RPRD2: variants seen among roughly 807,000 people sequenced by gnomAD.
RPRD2 encodes regulation of nuclear pre-mRNA domain containing 2.
In RPRD2, 12 loss-of-function variants were observed where a neutral mutation model predicts 104.4. The ratio of observed to expected loss-of-function variants is 0.11; its 90% CI spans 0.07 to 0.19. The LOEUF (loss-of-function observed/expected upper bound fraction) is 0.19. Among genes scored for constraint, RPRD2 ranks in the 10% least tolerant of loss-of-function variants. The pLI, the probability that RPRD2 is intolerant of heterozygous loss-of-function variation, is 1.00. For synonymous variants in RPRD2, 714 were observed against 684.9 expected (o/e 1.04, Z -0.66); for missense variants, 1,543 against 1,790.1 (o/e 0.86, Z 2.49).
chr1:150,420,517 A>G (rs587639506), intron 2 of RPRD2, among the ~76,000 whole-genome samples: 3 of 152,280 alleles, frequency 2.0e-5, no homozygotes, highest in East Asian at 3.9e-4. Context: ...GGTTCCATTT[A>G]TTTAGAAATG....
intron 2 of RPRD2, among the ~76,000 whole-genome samples, chr1:150,421,095 C>G (rs1664724415): frequency 1.3e-5 from 2 of 152,160 alleles, no homozygotes; most frequent in South Asian, 4.1e-4. Context: ...CAGATTTGGT[C>G]TGAGGTTCAT....
At chr1:150,413,543 C>T (rs879947148) in intron 1 of RPRD2, among the ~76,000 whole-genome samples, 24 of 151,460 alleles carry the variant, frequency 1.6e-4, no homozygotes, top group Non-Finnish European at 2.4e-4. Context: ...GCAGAGGTTG[C>T]GGTAAGCTGA....
At chr1:150,374,231 G>T (rs1305306106) in intron 1 of RPRD2, among the ~76,000 whole-genome samples, 1 of 152,124 alleles carries the variant, frequency 6.6e-6, no homozygotes, top group Non-Finnish European at 1.5e-5. Flanking sequence ...AAATCCAAAA[G>T]GACTGGTTTT....
intron 3 of RPRD2, chr1:150,441,258 A>G (rs1666386862): frequency 2.5e-6 from 1 of 399,660 alleles, no homozygotes; most frequent in Non-Finnish European, 4.4e-6. Flanking sequence ...AAAGTCAAGC[A>G]TGTTAAGTGG....
chr1:150,364,996 C>T, intron 1 of RPRD2, 77 bp downstream of exon 1: 1 of 1,446,200 alleles, frequency 6.9e-7, no homozygotes, highest in Non-Finnish European at 9.5e-7. Context: ...TTGGGGTTTT[C>T]CCACGGAGCC....
intron 1 of RPRD2, among the ~76,000 whole-genome samples, chr1:150,395,189 T>G (rs1261320269): frequency 6.6e-6 from 1 of 152,190 alleles, no homozygotes; most frequent in African/African-American, 2.4e-5. Context: ...CAAAGTCCAC[T>G]GTGTCTTCCT....
chr1:150,383,910 A>T (rs1009081117), intron 1 of RPRD2, among the ~76,000 whole-genome samples: 1 of 152,324 alleles, frequency 6.6e-6, no homozygotes, highest in South Asian at 2.1e-4. Context: ...AAAATATACC[A>T]TACTATAGTA....
At chr1:150,415,096 A>C (rs910173439) in intron 1 of RPRD2, among the ~76,000 whole-genome samples, 1 of 152,110 alleles carries the variant, frequency 6.6e-6, no homozygotes, top group African/African-American at 2.4e-5. Context: ...AGGCCAAGGC[A>C]GGTGGATCAC....
At chr1:150,433,431 C>G (rs1256055841) in intron 2 of RPRD2, among the ~76,000 whole-genome samples, 4 of 139,756 alleles carry the variant, frequency 2.9e-5, no homozygotes, top group Non-Finnish European at 6.1e-5. Context: ...CACACACACA[C>G]AGACATAATT....
intron 6 of RPRD2, 65 bp downstream of exon 6, chr1:150,444,442 T>A: frequency 6.6e-7 from 1 of 1,519,578 alleles, no homozygotes; most frequent in Non-Finnish European, 9.0e-7. Flanking sequence ...TTTCCAGTAA[T>A]CATACTGGTT....
At chr1:150,460,949 T>G (rs1168730169) in intron 9 of RPRD2, among the ~76,000 whole-genome samples, 1 of 151,318 alleles carries the variant, frequency 6.6e-6, no homozygotes, top group African/African-American at 2.4e-5. Context: ...GGTCTCAAAC[T>G]CCTGACCTCA....
rs373510243 is a variant in RPRD2, at chr1:150,473,201, G to C, written c.4253G>C (p.Arg1418Pro). ...AGTGGTATAATCTTACGGAGTCCCC[G>C]GCCAGACTTTCGGCCTAGGGAACCT... ...SRSGIILRSP[R>P]PDFRPREPFL... The change falls in exon 11 of 11, where the codon CGG (arginine) becomes CCG (proline). Residue 1418 changes from arginine (R) to proline (P), a missense_variant. This residue lies in a region of RPRD2 where 880 missense variants were observed against 885.6 expected (regional missense o/e 0.99). Coordinates refer to ENST00000369068, the MANE Select transcript of RPRD2 (RefSeq NM_015203.5). 63 of 1,613,812 alleles carry C rather than the reference G, an allele frequency of 3.9e-5. No homozygotes were observed. The highest frequency in any genetic ancestry group is 5.1e-5 in the Non-Finnish European group (60 of 1,179,870).
chr1:150,454,279 C>T (rs1291913665), intron 7 of RPRD2, among the ~76,000 whole-genome samples: 1 of 152,098 alleles, frequency 6.6e-6, no homozygotes, highest in African/African-American at 2.4e-5. Context: ...CCTCTCTTGT[C>T]CTTTTTGCCT....
chr1:150,389,284 A>G (rs1451784820), intron 1 of RPRD2, among the ~76,000 whole-genome samples: 1 of 151,846 alleles, frequency 6.6e-6, no homozygotes, highest in African/African-American at 2.4e-5. Context: ...TCCTGAGCTC[A>G]AGCGATCTGC....
chr1:150,417,825 G>A (rs1255727640), intron 2 of RPRD2, 100 bp downstream of exon 2: 16 of 905,686 alleles, frequency 1.8e-5, no homozygotes, highest in Non-Finnish European at 2.4e-5. Context: ...CATGCTTGAA[G>A]ATTAAGGATA....
intron 1 of RPRD2, among the ~76,000 whole-genome samples, chr1:150,384,812 G>A (rs1412535760): frequency 4.6e-5 from 7 of 151,972 alleles, no homozygotes; most frequent in Admixed American, 4.6e-4. Flanking sequence ...CAGCCAAAAG[G>A]CATGATTTTT....
At chr1:150,433,871 A>ATCTATATTT (rs1665815469) in intron 2 of RPRD2, among the ~76,000 whole-genome samples, 1 of 82,868 alleles carries the variant, frequency 1.2e-5, no homozygotes, top group African/African-American at 4.6e-5. Context: ...ACATAATGTT[A>ATCTATATTT]TATATAGTTA....
intron 1 of RPRD2, among the ~76,000 whole-genome samples, chr1:150,390,376 A>T (rs1284849175): frequency 1.3e-5 from 2 of 152,046 alleles, no homozygotes; most frequent in Non-Finnish European, 2.9e-5. Flanking sequence ...ACATGCCTGT[A>T]GTCTCCCTGC....
intron 2 of RPRD2, among the ~76,000 whole-genome samples, chr1:150,439,389 G>A (rs1016658048): frequency 5.8e-5 from 7 of 120,792 alleles, no homozygotes; most frequent in East Asian, 2.0e-4. Flanking sequence ...CAGGTGGATC[G>A]CTTGAGCCCA....
Sources: gnomAD v4.1 joint callset for allele counts (sites outside exome capture counted in the v4.1 genomes callset) on GRCh38, gnomAD v4.1.1 for gene constraint, gnomAD v4.1.1 regional missense constraint, MANE v1.5 for transcripts, NCBI Gene and HGNC (gene_info 2026-07-23, HGNC 2026-07-21) for gene names.